The following UMPS variants were observed in gnomAD, a reference collection of about 807,000 sequenced individuals.
The protein encoded by UMPS is uridine 5'-monophosphate synthase.
Under a neutral mutation model 38.9 loss-of-function variants are expected in UMPS, and 21 were observed. The ratio of observed to expected loss-of-function variants is 0.54; its 90% CI spans 0.38 to 0.78. The LOEUF (loss-of-function observed/expected upper bound fraction) is 0.78, where lower values mean the gene tolerates loss of function less well. Ranked by LOEUF, UMPS falls within the 30% of genes least tolerant of loss-of-function variation. UMPS has a pLI of 0.00. For missense variants in UMPS, 533 were observed against 591.6 expected, an observed-to-expected ratio of 0.90 and a Z score of 1.03; for synonymous variants, 208 against 219.3, an observed-to-expected ratio of 0.95 and a Z score of 0.45.
Position 124,746,965 on chromosome 3 carries a change from T to G in UMPS, c.*2881T>G, listed in dbSNP as rs2063605884. On this transcript the variant is annotated 3_prime_UTR_variant, in exon 6 of 6. Transcript: ENST00000232607. The stretch of plus-strand genomic sequence containing the variant: ...CTCACCCTTGTGCTACTGAGTCAGC[T>G]CTAAGAAAATCTGCCAAAAGTAGGC... The G allele has an allele frequency of 8.8e-6, 4 of 453,974 alleles. No homozygotes were observed. Among genetic ancestry groups the G allele is most frequent in the South Asian group, 6.2e-5 (4 of 64,484 alleles). The allele number at this position is 453,974 out of a possible 1,614,324, so 28.1% of individuals were successfully genotyped here.
At position 124,730,457 on chromosome 3, in the gene UMPS, A is replaced by T; in HGVS notation, c.-15A>T. ...GGGCGCCTGGGAATTTGAAGCAAAC[A>T]GGCAGCGCGCGACAATGGCGGTCGC... On this transcript the variant is annotated 5_prime_UTR_variant, in exon 1 of 6. Coordinates refer to ENST00000232607, the MANE Select transcript of UMPS (RefSeq NM_000373.4). 6.2e-7 allele frequency: 1 copy of T among 1,613,826 alleles called. No homozygotes were observed. Among genetic ancestry groups the T allele is most frequent in the African/African-American group, 1.3e-5 (1 of 75,050 alleles).
At position 124,747,446 on chromosome 3, in the gene UMPS, T is replaced by C. The variant is rs1352938897; in HGVS notation, c.*3362T>C. The C allele has an allele frequency of 4.4e-6, 2 of 454,156 alleles. No homozygotes were observed. Among genetic ancestry groups the C allele is most frequent in the East Asian group, 1.4e-4 (2 of 14,396 alleles). The allele number at this position is 454,156 out of a possible 1,614,324, so 28.1% of individuals were successfully genotyped here. On this transcript the variant is annotated 3_prime_UTR_variant, in exon 6 of 6. Transcript: ENST00000232607. Reference sequence around the variant, plus strand: ...AGTCACTCAGTACCAGTTCCGAGCCTGAACCCAAACTCTCGTGTTTCTGCT... The same window carrying C: ...AGTCACTCAGTACCAGTTCCGAGCCCGAACCCAAACTCTCGTGTTTCTGCT...
chr3:124,743,418 A>G (rs1254054365), intron 5 of UMPS, among the ~76,000 whole-genome samples: 1 of 151,712 alleles, frequency 6.6e-6, no homozygotes, highest in Non-Finnish European at 1.5e-5. Flanking sequence ...CGGGCGGATC[A>G]TGAGGTCAGG....
rs112748825 is a variant in UMPS, at chr3:124,745,061, G to A, written c.*977G>A. ...AGTAACACAAGTGACAGCTTCCTGT[G>A]ACTGACTTCACAATTAGGAGGTCTA... On this transcript the variant is annotated 3_prime_UTR_variant, in exon 6 of 6. Transcript: ENST00000232607. 17 of 454,134 alleles carry A rather than the reference G, an allele frequency of 3.7e-5. 1 individual carries two copies. The highest frequency in any genetic ancestry group is 1.2e-4 in the African/African-American group (6 of 50,140). The allele number at this position is 454,134 out of a possible 1,614,324, so 28.1% of individuals were successfully genotyped here.
intron 4 of UMPS, 57 bp downstream of exon 4, chr3:124,740,256 A>G: frequency 6.6e-7 from 1 of 1,513,342 alleles, no homozygotes; most frequent in Non-Finnish European, 8.9e-7. Context: ...TGCATGCTGC[A>G]AGAAGATATC....
chr3:124,735,215 G>A lies in UMPS; in HGVS notation c.279G>A (p.Met93Ile). Residue 93 changes from methionine (M) to isoleucine (I), a missense_variant, in exon 2 of 6, where the codon ATG (methionine) becomes ATA (isoleucine). Transcript: ENST00000232607. Reference sequence around the variant, plus strand: ...TCTGTTCAACCAATCAAATTCCAATGCTTATTAGAAGGAAAGAAACAAAGG... The same window carrying A: ...TCTGTTCAACCAATCAAATTCCAATACTTATTAGAAGGAAAGAAACAAAGG... Reference protein sequence around the residue: ...TVICSTNQIPMLIRRKETKDY... With the variant: ...TVICSTNQIPILIRRKETKDY... 1 of 1,613,674 alleles carries A rather than the reference G, an allele frequency of 6.2e-7. No homozygotes were observed. The highest frequency in any genetic ancestry group is 8.5e-7 in the Non-Finnish European group (1 of 1,179,700).
intron 5 of UMPS, 127 bp from the exon 6 acceptor site, chr3:124,743,788 C>T (rs1354397734): frequency 8.3e-7 from 1 of 1,199,102 alleles, no homozygotes; most frequent in African/African-American, 1.5e-5. Context: ...AGTTGCTGTA[C>T]AAAAGGGGAA....
At chr3:124,735,056 A>G (rs772008108) in intron 1 of UMPS, 37 bp from the exon 2 acceptor site, 7 of 1,559,418 alleles carry the variant, frequency 4.5e-6, no homozygotes, top group African/African-American at 1.4e-5. Flanking sequence ...TAAAATAGTT[A>G]CAATAAAACA....
intron 1 of UMPS, chr3:124,731,591 T>C (rs1363078489): frequency 4.0e-6 from 1 of 251,982 alleles, no homozygotes; most frequent in African/African-American, 2.9e-5. Context: ...GCTTAAGAGA[T>C]CTTCTTGCCT....
rs1349672096 is a variant in UMPS, at chr3:124,747,206, T to G, written c.*3122T>G. Reference sequence around the variant, plus strand: ...CAGCTGGTTAATTTTTAAAATTTTTTGTAGAGACGGTGGAGGAGGTTCTCA... The same window carrying G: ...CAGCTGGTTAATTTTTAAAATTTTTGGTAGAGACGGTGGAGGAGGTTCTCA... On this transcript the variant is annotated 3_prime_UTR_variant, in exon 6 of 6. Transcript: ENST00000232607. 1 of 453,360 alleles carries G rather than the reference T, an allele frequency of 2.2e-6. No individual in the cohort carries two copies. Among genetic ancestry groups the G allele is most frequent in the Admixed American group, 2.4e-5 (1 of 42,526 alleles). 28.1% of individuals were successfully genotyped at this position (453,360 alleles called of 1,614,324 possible). A position where few individuals can be genotyped will look rare whatever the true frequency, so the allele number is the denominator to read the frequency against.
intron 1 of UMPS, 113 bp downstream of exon 1, chr3:124,730,740 A>C: frequency 1.6e-6 from 2 of 1,264,352 alleles, no homozygotes; most frequent in Non-Finnish European, 2.2e-6. Context: ...CCAAGCAGGC[A>C]GACCGACCCT....
At chr3:124,733,787 G>GA (rs2063497476) in intron 1 of UMPS, 1 of 152,418 alleles carries the variant, frequency 6.6e-6, no homozygotes, top group African/African-American at 2.4e-5. Context: ...AGCTACAGAA[G>GA]AATTCTTGAC....
At chr3:124,739,890 G>T in intron 3 of UMPS, 134 bp from the exon 4 acceptor site, 1 of 875,604 alleles carries the variant, frequency 1.1e-6, no homozygotes, top group Non-Finnish European at 1.9e-6. Context: ...AATCACTAAA[G>T]TTCCTGAAGA....
At position 124,746,997 on chromosome 3, in the gene UMPS, C is replaced by G. The variant is rs1415486989; in HGVS notation, c.*2913C>G. 4 of 451,088 alleles carry G rather than the reference C, an allele frequency of 8.9e-6. No individual in the cohort carries two copies. The highest frequency in any genetic ancestry group is 1.8e-5 in the Non-Finnish European group (4 of 225,930). The allele number at this position is 451,088 out of a possible 1,614,324, so 27.9% of individuals were successfully genotyped here. A position where few individuals can be genotyped will look rare whatever the true frequency, so the allele number is the denominator to read the frequency against. ...AAATCTGCCAAAAGTAGGCCGAGGG[C>G]TGGTTTTTTGTTTTGTTTTGTTTGT... is the stretch of plus-strand genomic sequence containing the variant. On this transcript the variant is annotated 3_prime_UTR_variant, in exon 6 of 6. Coordinates refer to ENST00000232607, the MANE Select transcript of UMPS (RefSeq NM_000373.4).
rs1336968892 is a variant in UMPS, at chr3:124,747,747, C to G, written c.*3663C>G. On this transcript the variant is annotated 3_prime_UTR_variant, in exon 6 of 6. Transcript: ENST00000232607. ...AGCCTGGTTACCAGGAAGACAAAAA[C>G]TGGGCTCCACCAGGAACCAGTCTTC... The G allele has an allele frequency of 1.1e-5, 5 of 452,128 alleles. No individual in the cohort carries two copies. Among genetic ancestry groups the G allele is most frequent in the Non-Finnish European group, 2.2e-5 (5 of 225,172 alleles). 28.0% of individuals were successfully genotyped at this position (452,128 alleles called of 1,614,324 possible).
intron 2 of UMPS, chr3:124,737,347 C>T: frequency 3.8e-6 from 2 of 524,334 alleles, no homozygotes; most frequent in Non-Finnish European, 6.8e-6. Flanking sequence ...ACTTGATTTA[C>T]TATAAATATA....
In UMPS at chr3:124,745,805, C is replaced by G; in HGVS notation, c.*1721C>G. 2.2e-6 allele frequency: 1 copy of G among 454,000 alleles called. No individual in the cohort carries two copies. The highest frequency in any genetic ancestry group is 1.6e-5 in the South Asian group (1 of 64,468). The allele number at this position is 454,000 out of a possible 1,614,324, so 28.1% of individuals were successfully genotyped here. Reference sequence around the variant, plus strand: ...AGTGTTGGAGTGATATGTTGAGAGGCCTTTGGAGTGATGTGCTGAGGTCTC... The same window carrying G: ...AGTGTTGGAGTGATATGTTGAGAGGGCTTTGGAGTGATGTGCTGAGGTCTC... On this transcript the variant is annotated 3_prime_UTR_variant, in exon 6 of 6. Coordinates refer to ENST00000232607, the MANE Select transcript of UMPS (RefSeq NM_000373.4).
intron 4 of UMPS, 109 bp downstream of exon 4, chr3:124,740,308 C>T (rs1452661339): frequency 8.7e-7 from 1 of 1,144,700 alleles, no homozygotes; most frequent in Non-Finnish European, 1.2e-6. Flanking sequence ...AAAAAAAAAT[C>T]CAGCTCTTGT....
rs2063614932 is a variant in UMPS, at chr3:124,747,905, T to G, written c.*3821T>G. ...CATTGAAAATGACCATGAGTAACCC[T>G]GTGGACTCTCTGCAGCTTGGTTCCT... On this transcript the variant is annotated 3_prime_UTR_variant, in exon 6 of 6. Coordinates refer to ENST00000232607, the MANE Select transcript of UMPS (RefSeq NM_000373.4). The G allele has an allele frequency of 2.2e-6, 1 of 453,726 alleles. No individual in the cohort carries two copies. The highest frequency in any genetic ancestry group is 4.4e-6 in the Non-Finnish European group (1 of 226,608). 28.1% of individuals were successfully genotyped at this position (453,726 alleles called of 1,614,324 possible).
Sources: allele counts gnomAD v4.1 joint callset (sites outside exome capture counted in the v4.1 genomes callset), GRCh38; gene constraint gnomAD v4.1.1; transcripts MANE v1.5; gene names NCBI Gene and HGNC (gene_info 2026-07-23, HGNC 2026-07-21).